Variants in CHN1 observed in about 807,000 individuals in gnomAD.
CHN1 encodes the protein chimerin 1.
A neutral mutation model predicts 59.5 loss-of-function variants in CHN1; 37 were observed. The ratio of observed to expected loss-of-function variants is 0.62; its 90% CI spans 0.48 to 0.82. CHN1 has a LOEUF of 0.82. CHN1 is among the 40% of genes least tolerant of loss of function. The probability of loss-of-function intolerance (pLI) is 0.00; values close to 1 mark genes in which losing one functional copy is unlikely to be tolerated. For missense variants in CHN1, 469 were observed against 571.0 expected, an observed-to-expected ratio of 0.82 and a Z score of 1.82; for synonymous variants, 206 against 200.4, an observed-to-expected ratio of 1.03 and a Z score of -0.24.
chr2:174,901,795 T>C (rs1181116658), intron 5 of CHN1, among the ~76,000 whole-genome samples: 1 of 152,204 alleles, frequency 6.6e-6, no homozygotes, highest in Non-Finnish European at 1.5e-5. Flanking sequence ...ATTTTATATA[T>C]AGTACACGTG....
At chr2:174,996,056 G>T (rs1240196571) in intron 1 of CHN1, among the ~76,000 whole-genome samples, 1 of 152,156 alleles carries the variant, frequency 6.6e-6, no homozygotes, top group East Asian at 1.9e-4. Context: ...TAGATAATAG[G>T]GTTCTGTACT....
intron 8 of CHN1, among the ~76,000 whole-genome samples, chr2:174,819,627 T>A (rs1685409818): frequency 6.6e-6 from 1 of 152,202 alleles, no homozygotes; most frequent in Non-Finnish European, 1.5e-5. Flanking sequence ...AAGGGAACTA[T>A]TCTAAATGAA....
In CHN1 at chr2:174,988,121, A is replaced by AG. The variant is rs762082792; in HGVS notation, c.19+16772dup. Among the ~76,000 whole-genome samples the AG allele has an allele frequency of 5.6e-3, 858 of 152,136 alleles. 5 individuals are homozygous for AG. Among genetic ancestry groups the AG allele is most frequent in the African/African-American group, 0.013 (547 of 41,492 alleles). Reference sequence around the variant, plus strand: ...ACGCCTGTAATCCCAGCACTTTGGGAGCCAAGGCGGGCGGATCACGAGGTC... The same window carrying AG: ...ACGCCTGTAATCCCAGCACTTTGGGAGGCCAAGGCGGGCGGATCACGAGGTC... On this transcript the variant is annotated intron_variant, in intron 1 of 12. Transcript: ENST00000409900.
chr2:174,947,474 C>CTTTTTT (rs1025986409), intron 2 of CHN1, among the ~76,000 whole-genome samples: 2 of 143,822 alleles, frequency 1.4e-5, no homozygotes, highest in African/African-American at 5.1e-5. Context: ...CTTTAAGACT[C>CTTTTTT]TTTTTTTTTT....
intron 1 of CHN1, among the ~76,000 whole-genome samples, chr2:174,967,488 G>A (rs77033118): frequency 4.6e-5 from 7 of 152,166 alleles, no homozygotes; most frequent in Non-Finnish European, 1.0e-4. Flanking sequence ...TTTTTCCAAT[G>A]TTCGTGTTCC....
intron 1 of CHN1, among the ~76,000 whole-genome samples, chr2:175,004,304 C>T (rs1463218122): frequency 6.6e-6 from 1 of 152,196 alleles, no homozygotes; most frequent in Non-Finnish European, 1.5e-5. Flanking sequence ...ACTCAGTCTC[C>T]TGAGATTACA....
intron 7 of CHN1, chr2:174,837,176 T>C (rs911769354): frequency 1.3e-5 from 2 of 152,112 alleles, no homozygotes; most frequent in Non-Finnish European, 2.9e-5. Flanking sequence ...AGTAATACAA[T>C]TGCGGAGTAA....
At chr2:174,878,370 T>A (rs571412214) in intron 5 of CHN1, among the ~76,000 whole-genome samples, 1 of 152,052 alleles carries the variant, frequency 6.6e-6, no homozygotes, top group Admixed American at 6.6e-5. Context: ...ATAGAAATAA[T>A]TTTTTTTATT....
chr2:174,895,422 G>A (rs1307463352), intron 5 of CHN1, among the ~76,000 whole-genome samples: 1 of 152,038 alleles, frequency 6.6e-6, no homozygotes, highest in Non-Finnish European at 1.5e-5. Flanking sequence ...TATGGGGTAG[G>A]AGGAAGGGAA....
In CHN1 at chr2:174,915,127, A is replaced by G. The variant is rs748247866; in HGVS notation, c.191T>C (p.Ile64Thr). Reference sequence around the variant, plus strand: ...GATGAGGTAGCTCCCCTCAGCCACAATCAAGAGCTGGTCGGCTGCTTCTCT... The same window carrying G: ...GATGAGGTAGCTCCCCTCAGCCACAGTCAAGAGCTGGTCGGCTGCTTCTCT... ...ISREAADQLLIVAEGSYLIRE... is the reference protein window; with the variant it reads ...ISREAADQLLTVAEGSYLIRE... The change falls in exon 5 of 13, where the codon ATT becomes ACT. Residue 64 changes from isoleucine to threonine, a missense_variant. By Grantham distance (89) the Ile-to-Thr change is moderately conservative. Transcript: ENST00000409900. 8.7e-6 allele frequency: 14 copies of G among 1,612,326 alleles called. No individual in the cohort carries two copies. Among genetic ancestry groups the G allele is most frequent in the Non-Finnish European group, 1.0e-5 (12 of 1,179,318 alleles).
chr2:174,883,959 T>C lies in CHN1; in HGVS notation c.261-5831A>G, dbSNP rs545473750. 4.1e-5 allele frequency among the ~76,000 whole-genome samples: 6 copies of C among 147,728 alleles called. No homozygotes were observed. The South Asian group carries it at 6.5e-4, about 16-fold the overall frequency. ...AGATAGAGAATCAATCCAGAAAGTC[T>C]AACTTCTTTTTTTTTTTTTTTTTTT... On this transcript the variant is annotated intron_variant, in intron 5 of 12. Transcript: ENST00000409900.
At chr2:174,947,431 T>G (rs1460359286) in intron 2 of CHN1, among the ~76,000 whole-genome samples, 4 of 152,132 alleles carry the variant, frequency 2.6e-5, no homozygotes, top group Admixed American at 2.0e-4. Flanking sequence ...TGCCTCCTGA[T>G]TGGCTACCAG....
chr2:174,943,952 T>C (rs1689749510), intron 3 of CHN1, among the ~76,000 whole-genome samples: 1 of 152,198 alleles, frequency 6.6e-6, no homozygotes, highest in African/African-American at 2.4e-5. Context: ...CTGCTTTGCC[T>C]GACCAGACTA....
chr2:174,900,666 G>A (rs1445306120), intron 5 of CHN1, among the ~76,000 whole-genome samples: 2 of 152,086 alleles, frequency 1.3e-5, no homozygotes, highest in African/African-American at 2.4e-5. Flanking sequence ...TTAGCCGGGC[G>A]TGGTGACAGG....
chr2:174,919,543 A>C (rs1419326693), intron 3 of CHN1, among the ~76,000 whole-genome samples: 1 of 152,224 alleles, frequency 6.6e-6, no homozygotes, highest in African/African-American at 2.4e-5. Flanking sequence ...CTGAATCCTC[A>C]AAATAAAATA....
At chr2:174,826,842 C>T (rs1685698258) in intron 7 of CHN1, among the ~76,000 whole-genome samples, 2 of 152,196 alleles carry the variant, frequency 1.3e-5, no homozygotes, top group South Asian at 2.1e-4. Flanking sequence ...ACATGTATCT[C>T]AGAAAGCAAT....
At chr2:174,844,900 G>A (rs1686455202) in intron 7 of CHN1, among the ~76,000 whole-genome samples, 1 of 152,046 alleles carries the variant, frequency 6.6e-6, no homozygotes, top group African/African-American at 2.4e-5. Flanking sequence ...CTAAGAACAA[G>A]TCCAAGCTGG....
At chr2:174,987,735 G>A (rs1189704833) in intron 1 of CHN1, among the ~76,000 whole-genome samples, 2 of 151,944 alleles carry the variant, frequency 1.3e-5, no homozygotes, top group Non-Finnish European at 2.9e-5. Flanking sequence ...TGCTTGGCAG[G>A]TTATAATATT....
intron 3 of CHN1, among the ~76,000 whole-genome samples, chr2:174,940,407 T>A (rs1022003662): frequency 1.6e-4 from 25 of 152,298 alleles, no homozygotes; most frequent in African/African-American, 5.8e-4. Context: ...CATACTCAAA[T>A]TTATCCAATT....
Sources: gnomAD v4.1 joint callset for allele counts (sites outside exome capture counted in the v4.1 genomes callset) on GRCh38, gnomAD v4.1.1 for gene constraint, MANE v1.5 for transcripts, NCBI Gene and HGNC (gene_info 2026-07-23, HGNC 2026-07-21) for gene names.